RBMS3: variants seen among roughly 807,000 people sequenced by gnomAD.
The protein encoded by RBMS3 is RNA binding motif single stranded interacting protein 3.
In RBMS3, 27 loss-of-function variants were observed where a neutral mutation model predicts 66.8. The observed-to-expected ratio is 0.40, with a 90% CI of 0.30 to 0.56. The LOEUF (loss-of-function observed/expected upper bound fraction) is 0.56. Ranked by LOEUF, RBMS3 falls within the 20% of genes least tolerant of loss-of-function variation. The pLI, the probability that RBMS3 is intolerant of heterozygous loss-of-function variation, is 0.40. For synonymous variants in RBMS3, 188 were observed against 183.0 expected, an observed-to-expected ratio of 1.03 and a Z score of -0.22; for missense variants, 513 against 549.5, an observed-to-expected ratio of 0.93 and a Z score of 0.66.
intron 6 of RBMS3, among the ~76,000 whole-genome samples, chr3:29,845,402 T>C (rs1425788644): frequency 1.3e-5 from 2 of 152,180 alleles, no homozygotes; most frequent in African/African-American, 2.4e-5. Flanking sequence ...GTAAGCCCTC[T>C]AAAAATATGG....
At chr3:29,933,951 C>A (rs2061197195) in intron 10 of RBMS3, 1 of 152,088 alleles carries the variant, frequency 6.6e-6, no homozygotes, top group Admixed American at 6.6e-5. Flanking sequence ...GGCATTCGAT[C>A]CTTCTCATCA....
At chr3:29,958,566 T>G (rs1392529996) in intron 12 of RBMS3, among the ~76,000 whole-genome samples, 1 of 152,172 alleles carries the variant, frequency 6.6e-6, no homozygotes, top group Non-Finnish European at 1.5e-5. Context: ...GAGTTTTTTT[T>G]TAATCCTCTA....
At chr3:29,517,541 T>C (rs986907737) in intron 3 of RBMS3, among the ~76,000 whole-genome samples, 1 of 152,086 alleles carries the variant, frequency 6.6e-6, no homozygotes, top group African/African-American at 2.4e-5. Context: ...GCCAGGATGG[T>C]TTCGATCTCC....
chr3:29,729,884 A>G (rs574920235), intron 4 of RBMS3, among the ~76,000 whole-genome samples: 14 of 152,190 alleles, frequency 9.2e-5, no homozygotes, highest in Non-Finnish European at 1.8e-4. Flanking sequence ...AACAATAAGA[A>G]TTATAACCTC....
intron 3 of RBMS3, among the ~76,000 whole-genome samples, chr3:29,564,331 A>C (rs1279643361): frequency 6.6e-6 from 1 of 151,954 alleles, no homozygotes; most frequent in Non-Finnish European, 1.5e-5. Flanking sequence ...CAAAAAATAC[A>C]AAAAATTAGC....
intron 12 of RBMS3, among the ~76,000 whole-genome samples, chr3:29,973,118 T>G (rs1223030910): frequency 6.6e-6 from 1 of 152,038 alleles, no homozygotes; most frequent in African/African-American, 2.4e-5. Context: ...TAATAAATGT[T>G]GGTTTGACCT....
chr3:29,429,098 G>A (rs7610244), intron 1 of RBMS3, among the ~76,000 whole-genome samples: 10,659 of 152,130 alleles, frequency 0.07, 812 homozygotes, highest in African/African-American at 0.19. Flanking sequence ...GGGAGACTGC[G>A]TGGCTTCTGG....
chr3:29,555,175 G>A (rs888606461), intron 3 of RBMS3, among the ~76,000 whole-genome samples: 5 of 152,140 alleles, frequency 3.3e-5, no homozygotes, highest in African/African-American at 1.2e-4. Flanking sequence ...AGCCTACTTT[G>A]TGCTAGATGA....
chr3:29,487,396 C>T (rs190206844), intron 2 of RBMS3, among the ~76,000 whole-genome samples: 2 of 152,082 alleles, frequency 1.3e-5, no homozygotes, highest in Admixed American at 1.3e-4. Context: ...AAATCCCTAA[C>T]ATTTAAAACT....
intron 6 of RBMS3, among the ~76,000 whole-genome samples, chr3:29,799,180 C>T (rs1021174489): frequency 6.6e-6 from 1 of 152,026 alleles, no homozygotes; most frequent in African/African-American, 2.4e-5. Flanking sequence ...GGTAAGAGGG[C>T]CATTGAAGAA....
At chr3:29,903,713 G>A (rs1047611036) in intron 10 of RBMS3, among the ~76,000 whole-genome samples, 9 of 151,904 alleles carry the variant, frequency 5.9e-5, no homozygotes, top group Non-Finnish European at 1.3e-4. Flanking sequence ...GATATGGGTA[G>A]TGTTATATCA....
chr3:29,876,099 G>A (rs762101183), intron 7 of RBMS3, among the ~76,000 whole-genome samples: 1 of 152,134 alleles, frequency 6.6e-6, no homozygotes, highest in Admixed American at 6.6e-5. Flanking sequence ...ACTTCTTGAA[G>A]CTGTCAAAAG....
chr3:29,528,294 G>A (rs1038059448), intron 3 of RBMS3, among the ~76,000 whole-genome samples: 5 of 151,810 alleles, frequency 3.3e-5, no homozygotes, highest in Non-Finnish European at 4.4e-5. Flanking sequence ...TATATTTTTC[G>A]TAGAGATGGG....
intron 6 of RBMS3, among the ~76,000 whole-genome samples, chr3:29,799,257 A>G (rs889922373): frequency 3.3e-5 from 5 of 152,220 alleles, no homozygotes; most frequent in Non-Finnish European, 5.9e-5. Flanking sequence ...CCACCAAATC[A>G]TCAAAGTTTC....
At chr3:29,389,522 C>T (rs1416667188) in intron 1 of RBMS3, among the ~76,000 whole-genome samples, 1 of 152,190 alleles carries the variant, frequency 6.6e-6, no homozygotes, top group Non-Finnish European at 1.5e-5. Flanking sequence ...TCCTTAAATA[C>T]ATTCTGACTC....
At chr3:29,967,062 C>A (rs957510056) in intron 12 of RBMS3, among the ~76,000 whole-genome samples, 1 of 152,070 alleles carries the variant, frequency 6.6e-6, no homozygotes, top group East Asian at 1.9e-4. Context: ...GGTGGATTAT[C>A]TTCTCATTTT....
At chr3:29,744,049 A>G (rs1422598618) in intron 5 of RBMS3, among the ~76,000 whole-genome samples, 1 of 151,680 alleles carries the variant, frequency 6.6e-6, no homozygotes, top group Non-Finnish European at 1.5e-5. Context: ...TCCAGGTGAT[A>G]CTGACACTGC....
At chr3:29,879,364 A>T (rs1184428583) in intron 7 of RBMS3, among the ~76,000 whole-genome samples, 1 of 152,144 alleles carries the variant, frequency 6.6e-6, no homozygotes, top group Non-Finnish European at 1.5e-5. Flanking sequence ...ATTTTTAATT[A>T]ACTTATTTTT....
intron 2 of RBMS3, among the ~76,000 whole-genome samples, chr3:29,487,731 T>A (rs1410879368): frequency 6.6e-6 from 1 of 152,284 alleles, no homozygotes; most frequent in African/African-American, 2.4e-5. Flanking sequence ...CCTCATCTTA[T>A]ATACTTACAA....
Sources: allele counts gnomAD v4.1 joint callset (sites outside exome capture counted in the v4.1 genomes callset), GRCh38; gene constraint gnomAD v4.1.1; transcripts MANE v1.5; gene names NCBI Gene and HGNC (gene_info 2026-07-23, HGNC 2026-07-21).